PDE4D: variants seen among roughly 807,000 people sequenced by gnomAD.
PDE4D encodes the protein 3',5'-cyclic-AMP phosphodiesterase 4D.
Under a neutral mutation model 87.4 loss-of-function variants are expected in PDE4D, and 24 were observed. That is an observed-to-expected ratio of 0.27 (90% CI 0.20 to 0.39). PDE4D has a LOEUF of 0.39. Ranked by LOEUF, PDE4D falls within the 10% of genes least tolerant of loss-of-function variation. The pLI is 1.00. For synonymous variants in PDE4D, 384 were observed against 383.2 expected (o/e 1.00, Z -0.02); for missense variants, 714 against 1,041.0 (o/e 0.69, Z 4.32).
chr5:59,171,999 TA>T lies in PDE4D; in HGVS notation c.808+8595del, dbSNP rs1365164816. Among the ~76,000 whole-genome samples the T allele has an allele frequency of 5.3e-4, 39 of 73,252 alleles. 1 individual carries two copies. Among genetic ancestry groups the T allele is most frequent in the African/African-American group, 2.0e-3 (31 of 15,500 alleles). The allele number at this position is 73,252 out of a possible 152,430, so 48.1% of individuals were successfully genotyped here. A position where few individuals can be genotyped will look rare whatever the true frequency, so the allele number is the denominator to read the frequency against. On this transcript the variant is annotated intron_variant, in intron 5 of 14. Transcript: ENST00000340635. Reference sequence around the variant, plus strand: ...TTATATAATAAATATATATTATATATATAATAAATATATATTATATATATAA... The same window carrying T: ...TTATATAATAAATATATATTATATATTAATAAATATATATTATATATATAA...
chr5:59,144,902 G>C (rs1205224500), intron 5 of PDE4D, among the ~76,000 whole-genome samples: 18 of 136,142 alleles, frequency 1.3e-4, no homozygotes, highest in Admixed American at 1.2e-3. Flanking sequence ...GGGGGGGGGG[G>C]GGGAACCATC....
In PDE4D at chr5:60,346,703, C is replaced by T. The variant is rs753650437; in HGVS notation, c.-90+141239G>A. 2.6e-5 allele frequency among the ~76,000 whole-genome samples: 4 copies of T among 152,158 alleles called. No homozygotes were observed. The South Asian group carries it at 8.3e-4, about 32-fold the overall frequency. Reference sequence around the variant, plus strand: ...AGCCACTCACAGCAACCCAGAGTCTCGGTTTTTATATCTATAAAATAGAGT... The same window carrying T: ...AGCCACTCACAGCAACCCAGAGTCTTGGTTTTTATATCTATAAAATAGAGT... On this transcript the variant is annotated intron_variant, in intron 1 of 16. Transcript: ENST00000502484.
At chr5:59,310,464 C>T (rs1198201893) in intron 1 of PDE4D, among the ~76,000 whole-genome samples, 1 of 152,118 alleles carries the variant, frequency 6.6e-6, no homozygotes, top group East Asian at 1.9e-4. Flanking sequence ...CTCTTGAGGT[C>T]ATTTGTTTGT....
chr5:59,651,051 C>T (rs564701620), intron 1 of PDE4D, among the ~76,000 whole-genome samples: 3 of 151,926 alleles, frequency 2.0e-5, no homozygotes, highest in South Asian at 2.1e-4. Context: ...GTCAGGAGAT[C>T]GAGACCATCC....
intron 5 of PDE4D, among the ~76,000 whole-genome samples, chr5:59,107,171 A>G (rs1771740164): frequency 6.6e-6 from 1 of 152,134 alleles, no homozygotes; most frequent in Non-Finnish European, 1.5e-5. Flanking sequence ...TGAAATATAG[A>G]CATAATGCTA....
chr5:60,256,160 G>A (rs1486012253), intron 1 of PDE4D, among the ~76,000 whole-genome samples: 1 of 151,816 alleles, frequency 6.6e-6, no homozygotes, highest in East Asian at 1.9e-4. Context: ...GTTGCTCCAG[G>A]TGGCCAAAGT....
In PDE4D at chr5:59,873,109, G is replaced by A. The variant is rs372495809; in HGVS notation, c.455+20059C>T. Among the ~76,000 whole-genome samples the A allele has an allele frequency of 3.9e-5, 6 of 152,116 alleles. No homozygotes were observed. In the South Asian group the frequency reaches 8.3e-4, roughly 21 times the overall value. On this transcript the variant is annotated intron_variant, in intron 1 of 14. Transcript: ENST00000340635. ...TCCCTCCTCATGTATACAAAACAGT[G>A]TTTGGAGAAAAGAAATATATACTAC...
At chr5:60,374,008 C>T (rs1323912340) in intron 1 of PDE4D, among the ~76,000 whole-genome samples, 1 of 152,140 alleles carries the variant, frequency 6.6e-6, no homozygotes, top group Non-Finnish European at 1.5e-5. Context: ...ACTTATTCCC[C>T]CCTTGTCAAA....
At chr5:59,901,436 G>A (rs572304830) in intron 3 of PDE4D, among the ~76,000 whole-genome samples, 11 of 152,180 alleles carry the variant, frequency 7.2e-5, no homozygotes, top group African/African-American at 1.9e-4. Flanking sequence ...CAGTTACAGC[G>A]AAAGACTGAT....
At chr5:60,338,133 C>G (rs1757979315) in intron 1 of PDE4D, among the ~76,000 whole-genome samples, 2 of 152,082 alleles carry the variant, frequency 1.3e-5, no homozygotes, top group African/African-American at 4.8e-5. Flanking sequence ...ATCAGCTGCA[C>G]AGGTGGGTCA....
chr5:59,077,787 C>T (rs1240838800), intron 5 of PDE4D, among the ~76,000 whole-genome samples: 2 of 152,158 alleles, frequency 1.3e-5, no homozygotes, highest in East Asian at 3.8e-4. Context: ...AGATACTTGT[C>T]TCCTTTCTCC....
At chr5:59,754,412 C>T (rs1760917775) in intron 1 of PDE4D, among the ~76,000 whole-genome samples, 1 of 152,134 alleles carries the variant, frequency 6.6e-6, no homozygotes, top group African/African-American at 2.4e-5. Flanking sequence ...CTGGGCATCA[C>T]ATCAGACCTA....
intron 1 of PDE4D, among the ~76,000 whole-genome samples, chr5:60,294,084 C>T (rs1381120416): frequency 6.6e-6 from 1 of 152,114 alleles, no homozygotes; most frequent in African/African-American, 2.4e-5. Flanking sequence ...TAACTCCTCA[C>T]CAGTATTTGG....
chr5:60,162,412 A>T (rs1248316313), intron 2 of PDE4D, among the ~76,000 whole-genome samples: 1 of 152,132 alleles, frequency 6.6e-6, no homozygotes, highest in African/African-American at 2.4e-5. Context: ...CTAAGGACCT[A>T]TTTAAAACCT....
chr5:59,101,630 T>C (rs776901493), intron 5 of PDE4D, among the ~76,000 whole-genome samples: 3 of 152,110 alleles, frequency 2.0e-5, no homozygotes, highest in Non-Finnish European at 4.4e-5. Flanking sequence ...AAGGCAAAAC[T>C]GGATGAGGAC....
chr5:59,659,034 A>G (rs761954629), intron 1 of PDE4D, among the ~76,000 whole-genome samples: 1 of 152,156 alleles, frequency 6.6e-6, no homozygotes, highest in African/African-American at 2.4e-5. Flanking sequence ...ATGCAACTTA[A>G]ATTTTTAAGG....
intron 6 of PDE4D, among the ~76,000 whole-genome samples, chr5:59,017,567 T>G (rs1754285927): frequency 6.6e-6 from 1 of 152,136 alleles, no homozygotes; most frequent in Non-Finnish European, 1.5e-5. Flanking sequence ...GAGTTCAGGA[T>G]AAGAAAAGCT....
intron 1 of PDE4D, among the ~76,000 whole-genome samples, chr5:60,259,997 C>T (rs149463000): frequency 2.0e-5 from 3 of 151,774 alleles, no homozygotes; most frequent in East Asian, 1.9e-4. Flanking sequence ...TTTCAGGAAA[C>T]GCCTCTTAAA....
chr5:59,815,024 A>G (rs943869992), intron 1 of PDE4D, among the ~76,000 whole-genome samples: 1 of 152,252 alleles, frequency 6.6e-6, no homozygotes, highest in Admixed American at 6.5e-5. Flanking sequence ...GAGAGATTTT[A>G]GCATAATAAT....
Sources: allele counts gnomAD v4.1 joint callset (sites outside exome capture counted in the v4.1 genomes callset), GRCh38; gene constraint gnomAD v4.1.1; transcripts MANE v1.5; gene names NCBI Gene and HGNC (gene_info 2026-07-23, HGNC 2026-07-21).